OR5H14: variants seen among roughly 807,000 people sequenced by gnomAD.
The protein encoded by OR5H14 is olfactory receptor family 5 subfamily H member 14.
For synonymous variants in OR5H14, 155 were observed against 130.6 expected, an observed-to-expected ratio of 1.19 and a Z score of -1.28; for missense variants, 392 against 363.9, an observed-to-expected ratio of 1.08 and a Z score of -0.63.
intron 1 of OR5H14, among the ~76,000 whole-genome samples, chr3:98,148,946 A>T (rs1186280943): frequency 3.3e-5 from 5 of 151,332 alleles, no homozygotes; most frequent in Non-Finnish European, 7.4e-5. Context: ...CAAAAATTTT[A>T]AAAAATGTTA....
chr3:98,149,712 C>T lies in OR5H14; in HGVS notation c.327C>T (p.Thr109=), dbSNP rs367553124. The T allele has an allele frequency of 1.9e-6, 3 of 1,613,156 alleles. No homozygotes were observed. Among genetic ancestry groups the T allele is most frequent in the Non-Finnish European group, 1.7e-6 (2 of 1,179,642 alleles). ...TGTTTTCGTTTGCAATCAGTGTAAC[C>T]ACGGAATGTTTTCTCTTGGCAACAA... ...IQLFSFAISV[T]TECFLLATMA... Residue 109 remains threonine, a synonymous_variant, in exon 2 of 2, where the codon ACC becomes ACT. Transcript: ENST00000641380.
chr3:98,148,288 C>T (rs1161499817), intron 1 of OR5H14, among the ~76,000 whole-genome samples: 1 of 152,054 alleles, frequency 6.6e-6, no homozygotes, highest in Non-Finnish European at 1.5e-5. Flanking sequence ...ATTTACCAGA[C>T]ATATGTCCAC....
At position 98,155,835 on chromosome 3, in the gene OR5H14, G is replaced by A. The variant is rs1472028092; in HGVS notation, c.*5517G>A. On this transcript the variant is annotated 3_prime_UTR_variant, in exon 2 of 2. Transcript: ENST00000641380. ...GCGTAAAATCTCAGAAGTGTTATGT[G>A]TTGTGGATAATAGTGGCATAAAGTG... 6.6e-6 allele frequency: 1 copy of A among 152,166 alleles called. No homozygotes were observed. The highest frequency in any genetic ancestry group is 1.5e-5 in the Non-Finnish European group (1 of 68,014). The allele number at this position is 152,166 out of a possible 1,614,324, so 9.4% of individuals were successfully genotyped here. A position where few individuals can be genotyped will look rare whatever the true frequency, so the allele number is the denominator to read the frequency against.
At chr3:98,148,466 C>A (rs1708451363) in intron 1 of OR5H14, among the ~76,000 whole-genome samples, 2 of 152,000 alleles carry the variant, frequency 1.3e-5, no homozygotes, top group Admixed American at 1.3e-4. Context: ...GATTGGATCT[C>A]ACCTAGTTGA....
rs758322189 is a variant in OR5H14 at position 98,150,414 on chromosome 3, A to G, written c.*96A>G. On this transcript the variant is annotated 3_prime_UTR_variant, in exon 2 of 2. Coordinates refer to ENST00000641380, the MANE Select transcript of OR5H14 (RefSeq NM_001005514.2). ...TTTGCCAGCATTAAAAGATTTTGCA[A>G]TTATAACTGTCCTAGCGCTTTAATG... 14 of 758,172 alleles carry G rather than the reference A, an allele frequency of 1.8e-5. No homozygotes were observed. Among genetic ancestry groups the G allele is most frequent in the Non-Finnish European group, 2.7e-5 (13 of 488,354 alleles). 47.0% of individuals were successfully genotyped at this position (758,172 alleles called of 1,614,324 possible). A position where few individuals can be genotyped will look rare whatever the true frequency, so the allele number is the denominator to read the frequency against.
Position 98,155,567 on chromosome 3 carries a change from T to TC in OR5H14, c.*5254dup, listed in dbSNP as rs1484197797. The TC allele has an allele frequency of 6.6e-6, 1 of 152,224 alleles. No individual in the cohort carries two copies. Among genetic ancestry groups the TC allele is most frequent in the Non-Finnish European group, 1.5e-5 (1 of 68,024 alleles). The allele number at this position is 152,224 out of a possible 1,614,324, so 9.4% of individuals were successfully genotyped here. A position where few individuals can be genotyped will look rare whatever the true frequency, so the allele number is the denominator to read the frequency against. On this transcript the variant is annotated 3_prime_UTR_variant, in exon 2 of 2. Coordinates refer to ENST00000641380, the MANE Select transcript of OR5H14 (RefSeq NM_001005514.2). ...GATTGTCTTTGTTTTTATTTTTTCC[T>TC]CCCCCTGATGTTTGCCTGTTAACAT...
At chr3:98,147,809 G>T (rs112901351) in intron 1 of OR5H14, among the ~76,000 whole-genome samples, 49 of 151,998 alleles carry the variant, frequency 3.2e-4, no homozygotes, top group Middle Eastern at 3.4e-3. Context: ...AACTTCATAT[G>T]ATCTAGATCA....
At position 98,149,938 on chromosome 3, in the gene OR5H14, T is replaced by C; in HGVS notation, c.553T>C (p.Leu185=). ...QHFYCDIIPL[L]KISYTDSSIN... ...CTTTTACTGTGACATTATCCCATTG[T>C]TAAAGATTTCTTATACTGATTCCTC... Residue 185 remains leucine, a synonymous_variant, in exon 2 of 2, where the codon TTA becomes CTA. Coordinates refer to ENST00000641380, the MANE Select transcript of OR5H14 (RefSeq NM_001005514.2). The C allele has an allele frequency of 1.9e-6, 3 of 1,613,480 alleles. No homozygotes were observed. The highest frequency in any genetic ancestry group is 1.7e-6 in the Non-Finnish European group (2 of 1,179,682).
chr3:98,149,143 C>A (rs1483773553), intron 1 of OR5H14, among the ~76,000 whole-genome samples: 6 of 151,954 alleles, frequency 3.9e-5, no homozygotes, highest in African/African-American at 1.4e-4. Flanking sequence ...AAGACTGTGC[C>A]CATAAATTTA....
rs796539730 is a variant in OR5H14 at position 98,155,385 on chromosome 3, A to G, written c.*5067A>G. 23,490 of 145,148 alleles carry G rather than the reference A, an allele frequency of 0.16. No homozygotes were observed. Among genetic ancestry groups the G allele is most frequent in the East Asian group, 0.35 (1,667 of 4,768 alleles). 9.0% of individuals were successfully genotyped at this position (145,148 alleles called of 1,614,324 possible). On this transcript the variant is annotated 3_prime_UTR_variant, in exon 2 of 2. Coordinates refer to ENST00000641380, the MANE Select transcript of OR5H14 (RefSeq NM_001005514.2). ...AGGTGTCAGGCAAAAAGATCTCATT[A>G]GGTGGTTCCGTACAGAGAGGGAGCA...
chr3:98,150,157 A>G lies in OR5H14; in HGVS notation c.772A>G (p.Met258Val). ...TTTATACTATGGGCCCCTCGCCTTC[A>G]TGTATATGGGCTCTGCATCCCCACA... ...VSLYYGPLAF[M>V]YMGSASPQAD... The change falls in exon 2 of 2, where the codon ATG (methionine) becomes GTG (valine). Residue 258 changes from methionine (M) to valine (V), a missense_variant. Transcript: ENST00000641380. 6.2e-7 allele frequency: 1 copy of G among 1,612,524 alleles called. No individual in the cohort carries two copies. Among genetic ancestry groups the G allele is most frequent in the Non-Finnish European group, 8.5e-7 (1 of 1,179,554 alleles).
chr3:98,150,339 T>G lies in OR5H14; in HGVS notation c.*21T>G, dbSNP rs1462463423. 1 of 1,449,734 alleles carries G rather than the reference T, an allele frequency of 6.9e-7. No homozygotes were observed. The highest frequency in any genetic ancestry group is 2.3e-5 in the East Asian group (1 of 42,742). 89.8% of individuals were successfully genotyped at this position (1,449,734 alleles called of 1,614,324 possible). ...TTTAGATCATTACTAATATCTCTTTTCTATTTACTAAAATGTCACAAAATT... is the reference window on the plus strand; with the variant it reads ...TTTAGATCATTACTAATATCTCTTTGCTATTTACTAAAATGTCACAAAATT... On this transcript the variant is annotated 3_prime_UTR_variant, in exon 2 of 2. Transcript: ENST00000641380.
rs1708585992 is a variant in OR5H14 at position 98,156,067 on chromosome 3, A to G, written c.*5749A>G. ...TCTGACTTTTTCTCTCCTGGTCAAA[A>G]CGGAGATATACAATTGGTCAGCACT... On this transcript the variant is annotated 3_prime_UTR_variant, in exon 2 of 2. Transcript: ENST00000641380. 1 of 152,164 alleles carries G rather than the reference A, an allele frequency of 6.6e-6. No individual in the cohort carries two copies. The highest frequency in any genetic ancestry group is 2.4e-5 in the African/African-American group (1 of 41,460). The allele number at this position is 152,164 out of a possible 1,614,324, so 9.4% of individuals were successfully genotyped here.
At position 98,150,841 on chromosome 3, in the gene OR5H14, A is replaced by G. The variant is rs1708497485; in HGVS notation, c.*523A>G. On this transcript the variant is annotated 3_prime_UTR_variant, in exon 2 of 2. Transcript: ENST00000641380. ...AGGAAGTCAACTCATATATCAAATA[A>G]AGAAGCAGAAATGGAAATGCAATTA... is the stretch of plus-strand genomic sequence containing the variant. 1 of 152,378 alleles carries G rather than the reference A, an allele frequency of 6.6e-6. No homozygotes were observed. Among genetic ancestry groups the G allele is most frequent in the African/African-American group, 2.4e-5 (1 of 41,470 alleles). The allele number at this position is 152,378 out of a possible 1,614,324, so 9.4% of individuals were successfully genotyped here. A position where few individuals can be genotyped will look rare whatever the true frequency, so the allele number is the denominator to read the frequency against.
Position 98,149,628 on chromosome 3 carries a change from G to A in OR5H14, c.243G>A (p.Met81Ile), listed in dbSNP as rs1282069069. The A allele has an allele frequency of 1.9e-6, 3 of 1,613,484 alleles. No individual in the cohort carries two copies. The highest frequency in any genetic ancestry group is 3.3e-5 in the Admixed American group (2 of 59,958). The change falls in exon 2 of 2, where the codon ATG becomes ATA. Residue 81 changes from methionine to isoleucine, a missense_variant. Transcript: ENST00000641380. The stretch of plus-strand genomic sequence containing the variant: ...TATCATCCTCAGTGACTCTGAAGAT[G>A]CTGATCAACTTCTTAGCTAAGAGTA... ...ALLSSSVTLK[M>I]LINFLAKSKM...
rs939286464 is a variant in OR5H14, at chr3:98,155,767, C to T, written c.*5449C>T. On this transcript the variant is annotated 3_prime_UTR_variant, in exon 2 of 2. Transcript: ENST00000641380. ...CCAGCTCTGATGAGACCATATTAAT[C>T]ACAGCATTCAAAGCATCCTATTTTA... 6.6e-6 allele frequency: 1 copy of T among 152,166 alleles called. No individual in the cohort carries two copies. Among genetic ancestry groups the T allele is most frequent in the Non-Finnish European group, 1.5e-5 (1 of 68,024 alleles). The allele number at this position is 152,166 out of a possible 1,614,324, so 9.4% of individuals were successfully genotyped here.
In OR5H14 at chr3:98,155,247, T is replaced by C. The variant is rs1708571235; in HGVS notation, c.*4929T>C. ...TGTTTAGAAAACCCTACCCTCTGGA[T>C]TTTTGGAAAGGGTGATCTGAGTAAT... is the stretch of plus-strand genomic sequence containing the variant. On this transcript the variant is annotated 3_prime_UTR_variant, in exon 2 of 2. Transcript: ENST00000641380. 6.6e-6 allele frequency: 1 copy of C among 152,206 alleles called. No homozygotes were observed. Among genetic ancestry groups the C allele is most frequent in the Admixed American group, 6.6e-5 (1 of 15,260 alleles). 9.4% of individuals were successfully genotyped at this position (152,206 alleles called of 1,614,324 possible).
Position 98,149,413 on chromosome 3 carries a change from A to T in OR5H14, c.28A>T (p.Thr10Ser), listed in dbSNP as rs139958192. ...GGAAGAGGAAAATGCAACATTGCTG[A>T]CAGAGTTTGTTCTCACAGGATTTTT... is the stretch of plus-strand genomic sequence containing the variant. MEEENATLLTEFVLTGFLYQ... is the reference protein window; with the variant it reads MEEENATLLSEFVLTGFLYQ... The change falls in exon 2 of 2, where the codon ACA becomes TCA. Residue 10 changes from threonine (T) to serine (S), a missense_variant. Thr to Ser is a moderately conservative substitution (Grantham distance 58). Coordinates refer to ENST00000641380, the MANE Select transcript of OR5H14 (RefSeq NM_001005514.2). 1 of 1,613,120 alleles carries T rather than the reference A, an allele frequency of 6.2e-7. No homozygotes were observed. The highest frequency in any genetic ancestry group is 2.2e-5 in the East Asian group (1 of 44,850).
chr3:98,150,448 T>TGTTA lies in OR5H14; in HGVS notation c.*130_*131insGTTA. The TGTTA allele has an allele frequency of 1.9e-6, 1 of 529,184 alleles. No homozygotes were observed. The highest frequency in any genetic ancestry group is 3.3e-6 in the Non-Finnish European group (1 of 304,696). 32.8% of individuals were successfully genotyped at this position (529,184 alleles called of 1,614,324 possible). On this transcript the variant is annotated 3_prime_UTR_variant, in exon 2 of 2. Transcript: ENST00000641380. Reference sequence around the variant, plus strand: ...GTCCTAGCGCTTTAATGACCTATGATATAAGCACCTATTTAACTAATTAAA... The same window carrying TGTTA: ...GTCCTAGCGCTTTAATGACCTATGATGTTAATAAGCACCTATTTAACTAATTAAA...
Sources: gnomAD v4.1 joint callset for allele counts (sites outside exome capture counted in the v4.1 genomes callset) on GRCh38, gnomAD v4.1.1 for gene constraint, MANE v1.5 for transcripts, NCBI Gene and HGNC (gene_info 2026-07-23, HGNC 2026-07-21) for gene names.